ACACA: variants seen among roughly 807,000 people sequenced by gnomAD.
ACACA encodes the protein acetyl-CoA carboxylase 1.
A neutral mutation model predicts 296.1 loss-of-function variants in ACACA; 103 were observed. That is an observed-to-expected ratio of 0.35 (90% CI 0.30 to 0.41). ACACA has a LOEUF of 0.41. ACACA is among the 10% of genes least tolerant of loss of function. The probability of loss-of-function intolerance (pLI) is 1.00; values close to 1 mark genes in which losing one functional copy is unlikely to be tolerated. For missense variants in ACACA, 1,554 were observed against 2,989.7 expected, an observed-to-expected ratio of 0.52 and a Z score of 11.20; for synonymous variants, 953 against 1,038.6, an observed-to-expected ratio of 0.92 and a Z score of 1.58.
intron 1 of ACACA, among the ~76,000 whole-genome samples, chr17:37,386,290 T>A (rs568149746): frequency 7.2e-5 from 11 of 152,208 alleles, no homozygotes; most frequent in African/African-American, 2.6e-4. Context: ...ATTTTTTATT[T>A]TAAAAAATTA....
At chr17:37,354,788 G>A (rs889394449) in intron 1 of ACACA, among the ~76,000 whole-genome samples, 1 of 152,072 alleles carries the variant, frequency 6.6e-6, no homozygotes, top group African/African-American at 2.4e-5. Context: ...AAAATTAGCT[G>A]GGCGCAGTGG....
intron 1 of ACACA, among the ~76,000 whole-genome samples, chr17:37,395,822 C>A (rs888276345): frequency 6.6e-6 from 1 of 152,086 alleles, no homozygotes; most frequent in African/African-American, 2.4e-5. Context: ...GGATTATAGG[C>A]GCGAGCCACC....
intron 1 of ACACA, among the ~76,000 whole-genome samples, chr17:37,343,234 T>G (rs576594714): frequency 7.2e-5 from 11 of 151,998 alleles, no homozygotes; most frequent in African/African-American, 2.4e-4. Flanking sequence ...TGCCTCAGCC[T>G]CCCAAAGTGC....
intron 47 of ACACA, among the ~76,000 whole-genome samples, chr17:37,128,023 T>TAAAAAAAAAAAAAAAAAAAA (rs2074890198): frequency 4.4e-5 from 1 of 22,532 alleles, no homozygotes; most frequent in Non-Finnish European, 7.6e-5. Context: ...AAACTCCATC[T>TAAAAAAAAAAAAAAAAAAAA]CAAAAAAAAA....
At chr17:37,147,997 G>C (rs2075882985) in intron 45 of ACACA, among the ~76,000 whole-genome samples, 1 of 151,932 alleles carries the variant, frequency 6.6e-6, no homozygotes, top group Non-Finnish European at 1.5e-5. Context: ...ATATAATATA[G>C]TATCGGGGCA....
Position 37,121,489 on chromosome 17 carries a change from A to G in ACACA, c.6140T>C (p.Ile2047Thr). 6.2e-7 allele frequency: 1 copy of G among 1,614,172 alleles called. No individual in the cohort carries two copies. Among genetic ancestry groups the G allele is most frequent in the Non-Finnish European group, 8.5e-7 (1 of 1,180,024 alleles). Reference sequence around the variant, plus strand: ...CCAAACCTGGCCAGCCTGCTGGATTATCTATTAGGAAAAGTCAAAGAAGAC... The same window carrying G: ...CCAAACCTGGCCAGCCTGCTGGATTGTCTATTAGGAAAAGTCAAAGAAGAC... ...DPANLDSEAK[I>T]IQQAGQVWFP... is the part of the protein sequence containing the mutation. The change falls in exon 50 of 56, where the codon ATA (isoleucine) becomes ACA (threonine). Residue 2047 changes from isoleucine (I) to threonine (T), a missense_variant and splice_region_variant. Physicochemically the swap from Ile to Thr is moderately conservative, Grantham distance 89. This residue lies in a region of ACACA where 553 missense variants were observed against 1,043.6 expected (regional missense o/e 0.53). Coordinates refer to ENST00000616317, the MANE Select transcript of ACACA (RefSeq NM_198834.3).
chr17:37,333,796 C>A (rs112354564), intron 2 of ACACA, among the ~76,000 whole-genome samples: 25 of 145,892 alleles, frequency 1.7e-4, no homozygotes, highest in African/African-American at 6.1e-4. Flanking sequence ...CAGGCCACTA[C>A]CCAAGAGAAG....
Position 37,390,140 on chromosome 17 carries a change from G to GTATATA in ACACA, c.38+16116_38+16121dup, listed in dbSNP as rs1243535532. ...GACACTGTCTCTATTAAAAAAAAAA[G>GTATATA]TATATATATATATATATATATATAT... On this transcript the variant is annotated intron_variant, in intron 1 of 55. Coordinates refer to ENST00000616317, the MANE Select transcript of ACACA (RefSeq NM_198834.3). Among the ~76,000 whole-genome samples, 97 of 34,610 alleles carry GTATATA rather than the reference G, an allele frequency of 2.8e-3. 3 individuals carry two copies. The highest frequency in any genetic ancestry group is 6.4e-3 in the African/African-American group (44 of 6,856). The allele number at this position is 34,610 out of a possible 152,430, so 22.7% of individuals were successfully genotyped here. A position where few individuals can be genotyped will look rare whatever the true frequency, so the allele number is the denominator to read the frequency against.
At chr17:37,188,615 A>C (rs1174089882) in intron 38 of ACACA, 135 bp from the exon 39 acceptor site, 3 of 886,110 alleles carry the variant, frequency 3.4e-6, no homozygotes, top group Non-Finnish European at 5.3e-6. Flanking sequence ...CCTTACAAAA[A>C]GTGGTCAGAT....
intron 41 of ACACA, among the ~76,000 whole-genome samples, chr17:37,177,733 C>A (rs900621399): frequency 2.6e-5 from 4 of 152,216 alleles, no homozygotes; most frequent in African/African-American, 4.8e-5. Context: ...CATACAGTGG[C>A]AGAAACCTCT....
intron 1 of ACACA, chr17:37,379,266 A>G (rs756125281): frequency 6.2e-7 from 1 of 1,614,034 alleles, no homozygotes; most frequent in South Asian, 1.1e-5. Flanking sequence ...AAGGTCAAGC[A>G]TATTTTGAAG....
chr17:37,282,624 A>G (rs947973013), intron 5 of ACACA, among the ~76,000 whole-genome samples: 16 of 152,154 alleles, frequency 1.1e-4, no homozygotes, highest in Non-Finnish European at 8.8e-5. Flanking sequence ...CCTAGGAGTA[A>G]AAGATAAAAA....
Position 37,185,270 on chromosome 17 carries a change from TCG to T in ACACA, c.4776+3005_4776+3006del, listed in dbSNP as rs556513823. On this transcript the variant is annotated intron_variant, in intron 39 of 55. Transcript: ENST00000616317. ...TTTTTAGAGGCAGTGTCTCACTCTC[TCG>T]CCCAGGCTGGAGTGTGGTGTCACAA... is the stretch of plus-strand genomic sequence containing the variant. Among the ~76,000 whole-genome samples the T allele has an allele frequency of 1.2e-4, 18 of 152,322 alleles. No homozygotes were observed. In the South Asian group the frequency reaches 2.3e-3, roughly 19 times the overall value.
intron 1 of ACACA, among the ~76,000 whole-genome samples, chr17:37,341,682 T>A (rs1286739203): frequency 6.8e-6 from 1 of 146,604 alleles, no homozygotes; most frequent in Non-Finnish European, 1.5e-5. Flanking sequence ...AGAGCAAGAC[T>A]CTGTCTCAAA....
At chr17:37,352,022 C>G (rs2048927238) in intron 1 of ACACA, among the ~76,000 whole-genome samples, 1 of 151,508 alleles carries the variant, frequency 6.6e-6, no homozygotes, top group Non-Finnish European at 1.5e-5. Context: ...GCTCCGCCTC[C>G]CGGGTTCATG....
At chr17:37,144,503 T>C (rs2143930024) in intron 45 of ACACA, 9 of 234,348 alleles carry the variant, frequency 3.8e-5, no homozygotes, top group South Asian at 1.3e-4. Context: ...TGGGTGAGCA[T>C]GGAGACTACA....
At chr17:37,324,798 G>A (rs1280663307) in intron 3 of ACACA, among the ~76,000 whole-genome samples, 2 of 142,196 alleles carry the variant, frequency 1.4e-5, no homozygotes, top group Non-Finnish European at 1.5e-5. Context: ...TCGCACCATT[G>A]CACTCCAGCC....
chr17:37,121,025 G>A (rs542074746), intron 50 of ACACA, among the ~76,000 whole-genome samples: 1 of 152,216 alleles, frequency 6.6e-6, no homozygotes, highest in South Asian at 2.1e-4. Flanking sequence ...CACCAACAAA[G>A]TATATGCCCA....
intron 3 of ACACA, among the ~76,000 whole-genome samples, chr17:37,321,033 C>T (rs1334568664): frequency 6.6e-6 from 1 of 152,022 alleles, no homozygotes; most frequent in Non-Finnish European, 1.5e-5. Context: ...TGTGGTACTC[C>T]ACATAAAGCA....
Sources: gnomAD v4.1 joint callset for allele counts (sites outside exome capture counted in the v4.1 genomes callset) on GRCh38, gnomAD v4.1.1 for gene constraint, gnomAD v4.1.1 regional missense constraint, MANE v1.5 for transcripts, NCBI Gene and HGNC (gene_info 2026-07-23, HGNC 2026-07-21) for gene names.